Variants in IPO8 observed in about 807,000 individuals in gnomAD.
The protein encoded by IPO8 is importin 8, also known as importin-8.
Under a neutral mutation model 141.2 loss-of-function variants are expected in IPO8, and 65 were observed. The observed-to-expected ratio is 0.46, with a 90% CI of 0.38 to 0.57. The LOEUF (loss-of-function observed/expected upper bound fraction) is 0.57, where lower values mean the gene tolerates loss of function less well. IPO8 is among the 20% of genes least tolerant of loss of function. IPO8 has a pLI of 0.00. For synonymous variants in IPO8, 411 were observed against 420.3 expected, an observed-to-expected ratio of 0.98 and a Z score of 0.27; for missense variants, 980 against 1,246.8, an observed-to-expected ratio of 0.79 and a Z score of 3.22.
chr12:30,676,442 C>T, intron 6 of IPO8, 56 bp downstream of exon 6: 1 of 1,187,874 alleles, frequency 8.4e-7, no homozygotes. Flanking sequence ...CATCAGTCTA[C>T]CGCAAACATT....
chr12:30,663,679 G>A (rs755000974), intron 13 of IPO8, 25 bp from the exon 14 acceptor site: 3 of 1,564,028 alleles, frequency 1.9e-6, no homozygotes, highest in East Asian at 2.3e-5. Context: ...AAGGTAAGTA[G>A]GGAGCTATTA....
At chr12:30,684,245 C>A (rs2053217185) in intron 3 of IPO8, 56 bp downstream of exon 3, 3 of 1,526,634 alleles carry the variant, frequency 2.0e-6, no homozygotes, top group Non-Finnish European at 2.7e-6. Context: ...AGCACCCACC[C>A]TCAGATCTAA....
At chr12:30,663,687 T>C (rs1218656731) in intron 13 of IPO8, 33 bp from the exon 14 acceptor site, 2 of 1,522,366 alleles carry the variant, frequency 1.3e-6, no homozygotes, top group Non-Finnish European at 8.9e-7. Context: ...TAGGGAGCTA[T>C]TAGGATTATA....
In IPO8 at chr12:30,671,058, T is replaced by G; in HGVS notation, c.948A>C (p.Glu316Asp). The G allele has an allele frequency of 6.2e-7, 1 of 1,607,594 alleles. No homozygotes were observed. Among genetic ancestry groups the G allele is most frequent in the Non-Finnish European group, 8.5e-7 (1 of 1,174,140 alleles). The change falls in exon 9 of 25, where the codon GAA becomes GAC. Residue 316 changes from glutamate (E) to aspartate (D), a missense_variant. Physicochemically the swap from Glu to Asp is conservative, Grantham distance 45 (BLOSUM62 2). This residue lies in a region of IPO8 where 924 missense variants were observed against 1,153.9 expected (regional missense o/e 0.80). Coordinates refer to ENST00000256079, the MANE Select transcript of IPO8 (RefSeq NM_006390.4). ...LKILDQYRQK[E>D]YVAPRVLQQA... is the part of the protein sequence containing the mutation. ...GCTGAAGAACACGGGGAGCTACATA[T>G]TCTTTCTGTCTATATTGATCTAAAA...
chr12:30,681,862 T>C (rs373219467), intron 3 of IPO8, 45 bp from the exon 4 acceptor site: 162 of 1,506,908 alleles, frequency 1.1e-4, no homozygotes, highest in Non-Finnish European at 1.4e-4. Flanking sequence ...TAATTATAAA[T>C]ACTGTGTTTC....
intron 19 of IPO8, among the ~76,000 whole-genome samples, chr12:30,649,792 T>C (rs1014133542): frequency 7.9e-5 from 12 of 152,114 alleles, no homozygotes; most frequent in Non-Finnish European, 1.5e-5. Context: ...TTTTCACTAT[T>C]ATAAACAATT....
intron 5 of IPO8, chr12:30,676,908 C>A: frequency 1.3e-6 from 2 of 1,527,564 alleles, no homozygotes; most frequent in South Asian, 2.4e-5. Flanking sequence ...CTTTGAGGGT[C>A]AAACTTTCCA....
At chr12:30,646,254 T>C (rs776325630) in intron 20 of IPO8, among the ~76,000 whole-genome samples, 3 of 152,110 alleles carry the variant, frequency 2.0e-5, no homozygotes, top group Non-Finnish European at 4.4e-5. Flanking sequence ...GGACAAAAAC[T>C]ACATGATCAT....
At chr12:30,658,877 T>A (rs888288793) in intron 16 of IPO8, among the ~76,000 whole-genome samples, 1 of 24,032 alleles carries the variant, frequency 4.2e-5, no homozygotes, top group South Asian at 8.2e-4. Flanking sequence ...GTATCAAGCC[T>A]TTTTTTTTTT....
At chr12:30,638,353 G>T (rs545159645) in intron 21 of IPO8, among the ~76,000 whole-genome samples, 1 of 152,154 alleles carries the variant, frequency 6.6e-6, no homozygotes, top group African/African-American at 2.4e-5. Flanking sequence ...CCAGTGTCCT[G>T]CAAGTAGAAA....
At chr12:30,652,140 C>G (rs1432732050) in intron 19 of IPO8, 52 bp downstream of exon 19, 2 of 1,000,606 alleles carry the variant, frequency 2.0e-6, no homozygotes, top group African/African-American at 3.3e-5. Context: ...TGAAGCAAAA[C>G]AGGCAAACAT....
intron 6 of IPO8, 55 bp downstream of exon 6, chr12:30,676,443 C>T (rs17560141): frequency 7.0e-5 from 86 of 1,235,302 alleles, no homozygotes; most frequent in Non-Finnish European, 9.6e-5. Context: ...ATCAGTCTAC[C>T]GCAAACATTC....
intron 1 of IPO8, among the ~76,000 whole-genome samples, chr12:30,693,554 A>G (rs554569327): frequency 6.6e-6 from 1 of 152,294 alleles, no homozygotes; most frequent in East Asian, 1.9e-4. Flanking sequence ...GACCATAACC[A>G]CTTATGGTGA....
At chr12:30,649,096 A>T in intron 20 of IPO8, 41 bp downstream of exon 20, 1 of 1,315,946 alleles carries the variant, frequency 7.6e-7, no homozygotes, top group Non-Finnish European at 1.1e-6. Context: ...GTAAACTTCA[A>T]ATGTAACCCT....
intron 2 of IPO8, among the ~76,000 whole-genome samples, chr12:30,685,836 GAGGTTGC>G (rs1446319748): frequency 6.6e-6 from 1 of 150,490 alleles, no homozygotes; most frequent in African/African-American, 2.4e-5. Flanking sequence ...CCAGGAGGCG[GAGGTTGC>G]AGTGAGCTGA....
chr12:30,680,527 T>C lies in IPO8; in HGVS notation c.594A>G (p.Val198=). The C allele has an allele frequency of 6.2e-7, 1 of 1,612,454 alleles. No individual in the cohort carries two copies. Among genetic ancestry groups the C allele is most frequent in the Non-Finnish European group, 8.5e-7 (1 of 1,179,096 alleles). ...QLLPDSSYYS[V]LLQKQILKIF... is the part of the protein sequence containing the mutation. ...TTTTCAGAATTTGTTTCTGCAGTAA[T>C]ACAGAATAATAGGAGGAATCAGGAA... The change falls in exon 5 of 25, where the codon GTA becomes GTG. Residue 198 remains valine (V), a synonymous_variant. Transcript: ENST00000256079.
chr12:30,673,781 G>A (rs538522566), intron 8 of IPO8, among the ~76,000 whole-genome samples: 2 of 152,136 alleles, frequency 1.3e-5, no homozygotes, highest in Non-Finnish European at 2.9e-5. Flanking sequence ...TTCTGGTGGT[G>A]GCTGTCTCGG....
intron 20 of IPO8, among the ~76,000 whole-genome samples, chr12:30,643,239 C>G (rs898509104): frequency 2.0e-5 from 3 of 152,072 alleles, no homozygotes; most frequent in Non-Finnish European, 2.9e-5. Flanking sequence ...ACACCATCAC[C>G]CATGAAGTGC....
At chr12:30,631,746 C>CAT in intron 24 of IPO8, 149 bp downstream of exon 24, 1 of 610,130 alleles carries the variant, frequency 1.6e-6, no homozygotes, top group South Asian at 2.0e-5. Flanking sequence ...TTAAAACAAT[C>CAT]ATACAATAAT....
Sources: allele counts gnomAD v4.1 joint callset (sites outside exome capture counted in the v4.1 genomes callset), GRCh38; gene constraint gnomAD v4.1.1; regional missense constraint gnomAD v4.1.1; transcripts MANE v1.5; gene names NCBI Gene and HGNC (gene_info 2026-07-23, HGNC 2026-07-21).